Variants in IQSEC1 observed in about 807,000 individuals in gnomAD.
The protein encoded by IQSEC1 is IQ motif and SEC7 domain-containing protein 1.
Under a neutral mutation model 91.0 loss-of-function variants are expected in IQSEC1, and 31 were observed. The observed-to-expected ratio is 0.34, with a 90% CI of 0.26 to 0.46. IQSEC1 has a LOEUF of 0.46. Among genes scored for constraint, IQSEC1 ranks in the 20% least tolerant of loss-of-function variants. The pLI, the probability that IQSEC1 is intolerant of heterozygous loss-of-function variation, is 1.00. For missense variants in IQSEC1, 1,388 were observed against 1,575.6 expected (o/e 0.88, Z 2.02); for synonymous variants, 699 against 662.6 (o/e 1.05, Z -0.84).
intron 1 of IQSEC1, among the ~76,000 whole-genome samples, chr3:12,965,687 C>A (rs574168554): frequency 6.6e-6 from 1 of 152,160 alleles, no homozygotes; most frequent in Non-Finnish European, 1.5e-5. Context: ...ATGAGATGCC[C>A]GGAGGGACTT....
chr3:13,196,746 G>A (rs1412543179), intron 1 of IQSEC1, among the ~76,000 whole-genome samples: 1 of 115,376 alleles, frequency 8.7e-6, no homozygotes, highest in Non-Finnish European at 1.8e-5. Flanking sequence ...GTACATGTGT[G>A]TGCGTGTGTG....
chr3:13,101,764 G>A (rs757449047), intron 2 of IQSEC1, among the ~76,000 whole-genome samples: 74 of 152,186 alleles, frequency 4.9e-4, no homozygotes, highest in Middle Eastern at 3.2e-3. Flanking sequence ...GGAGTGGTGA[G>A]TGGTACAGGC....
intron 2 of IQSEC1, among the ~76,000 whole-genome samples, chr3:13,140,297 C>G (rs1343463911): frequency 6.6e-6 from 1 of 152,226 alleles, no homozygotes; most frequent in Non-Finnish European, 1.5e-5. Flanking sequence ...ATGGCAGATT[C>G]ACGCTGTCAC....
chr3:13,100,007 G>C lies in IQSEC1; in HGVS notation c.303-52485C>G, dbSNP rs974930928. ...GACGGGGACAGTGGGACAGGCCTTGGAAGGACTCGGCCTTCACTCTGGCGC... is the reference window on the plus strand; with the variant it reads ...GACGGGGACAGTGGGACAGGCCTTGCAAGGACTCGGCCTTCACTCTGGCGC... On this transcript the variant is annotated intron_variant, in intron 2 of 15. Transcript: ENST00000648114. Among the ~76,000 whole-genome samples, 94 of 149,728 alleles carry C rather than the reference G, an allele frequency of 6.3e-4. 8 individuals are homozygous for C. Among genetic ancestry groups the C allele is most frequent in the Non-Finnish European group, 3.4e-4 (23 of 67,294 alleles).
intron 1 of IQSEC1, among the ~76,000 whole-genome samples, chr3:13,269,909 G>A (rs1695565032): frequency 6.6e-6 from 1 of 152,214 alleles, no homozygotes; most frequent in African/African-American, 2.4e-5. Flanking sequence ...ATAAGATGTG[G>A]CAGAAGTATG....
Position 13,188,437 on chromosome 3 carries a change from T to C in IQSEC1, c.273-24304A>G, listed in dbSNP as rs562187546. Among the ~76,000 whole-genome samples the C allele has an allele frequency of 1.3e-4, 20 of 152,358 alleles. No homozygotes were observed. In the East Asian group the frequency reaches 2.7e-3, roughly 21 times the overall value. On this transcript the variant is annotated intron_variant, in intron 1 of 15. Coordinates refer to the IQSEC1 transcript ENST00000648114. The stretch of plus-strand genomic sequence containing the variant: ...AACATCAGATATGTGCCAGGCACTG[T>C]TGTATGAACTTTTCACTCATTAACT...
chr3:12,973,754 A>G (rs1043682083), intron 1 of IQSEC1, among the ~76,000 whole-genome samples: 11 of 152,202 alleles, frequency 7.2e-5, no homozygotes, highest in African/African-American at 2.7e-4. Flanking sequence ...AATTAAATAA[A>G]CAAAGTGGCT....
chr3:13,021,805 T>G (rs1703411107), intron 1 of IQSEC1, among the ~76,000 whole-genome samples: 1 of 152,162 alleles, frequency 6.6e-6, no homozygotes, highest in East Asian at 1.9e-4. Flanking sequence ...TGGCGTTCCT[T>G]TCCTGAACGT....
chr3:12,972,787 A>G (rs1472648960), intron 1 of IQSEC1, among the ~76,000 whole-genome samples: 1 of 152,172 alleles, frequency 6.6e-6, no homozygotes, highest in Non-Finnish European at 1.5e-5. Context: ...AGCCTGGACA[A>G]TACAGCATCC....
chr3:13,268,457 G>A (rs1275659074), intron 1 of IQSEC1, among the ~76,000 whole-genome samples: 13 of 152,330 alleles, frequency 8.5e-5, no homozygotes, highest in East Asian at 1.9e-4. Flanking sequence ...GGAGAGAGCA[G>A]TGAAAACTCA....
rs1576280997 is a variant in IQSEC1 at position 13,170,755 on chromosome 3, T to C, written c.273-6622A>G. Among the ~76,000 whole-genome samples, 3 of 152,166 alleles carry C rather than the reference T, an allele frequency of 2.0e-5. No homozygotes were observed. In the South Asian group the frequency reaches 6.2e-4, roughly 32 times the overall value. ...GCCAGCTATTAGGCAATGCAATGGGTGCCAGAGTCAAACAGTATTTAAAGA... is the reference window on the plus strand; with the variant it reads ...GCCAGCTATTAGGCAATGCAATGGGCGCCAGAGTCAAACAGTATTTAAAGA... On this transcript the variant is annotated intron_variant, in intron 1 of 15. Transcript: ENST00000648114.
At chr3:13,143,097 G>C (rs1219352164) in intron 2 of IQSEC1, among the ~76,000 whole-genome samples, 2 of 152,182 alleles carry the variant, frequency 1.3e-5, no homozygotes, top group South Asian at 2.1e-4. Context: ...ATCCGAATTG[G>C]TCTTCGATGT....
intron 1 of IQSEC1, among the ~76,000 whole-genome samples, chr3:12,961,754 G>C (rs1430232519): frequency 6.6e-6 from 1 of 152,304 alleles, no homozygotes; most frequent in African/African-American, 2.4e-5. Context: ...CATGTTTCTG[G>C]TGCTGACTAT....
rs931315816 is a variant in IQSEC1, at chr3:13,214,001, C to T, written c.273-49868G>A. Among the ~76,000 whole-genome samples the T allele has an allele frequency of 6.6e-6, 1 of 152,146 alleles. No homozygotes were observed. The highest frequency in any genetic ancestry group is 2.4e-5 in the African/African-American group (1 of 41,428). On this transcript the variant is annotated intron_variant, in intron 1 of 15. Coordinates refer to the IQSEC1 transcript ENST00000648114. This position sits in a 1 kb window ranked among gnomAD's most constrained non-coding sequence, Gnocchi z 4.5. Reference sequence around the variant, plus strand: ...ACCCCAACCTGGACCCATCGCTCTCCCCCGGGCTCTTCCTGGTCCCTCCCC... The same window carrying T: ...ACCCCAACCTGGACCCATCGCTCTCTCCCGGGCTCTTCCTGGTCCCTCCCC...
intron 1 of IQSEC1, among the ~76,000 whole-genome samples, chr3:13,020,535 C>T (rs1703352001): frequency 6.6e-6 from 1 of 152,202 alleles, no homozygotes; most frequent in Non-Finnish European, 1.5e-5. Context: ...TCCCCTTTCC[C>T]TTTGGCTGCC....
chr3:13,249,986 T>C (rs1695167541), intron 1 of IQSEC1, among the ~76,000 whole-genome samples: 1 of 152,250 alleles, frequency 6.6e-6, no homozygotes, highest in Non-Finnish European at 1.5e-5. Context: ...GTCAGCTCCA[T>C]TGCTGCCTGT....
Position 12,941,744 on chromosome 3 carries a change from C to A in IQSEC1, c.145G>T (p.Val49Leu), listed in dbSNP as rs376777987. 1.6e-5 allele frequency: 26 copies of A among 1,612,250 alleles called. No individual in the cohort carries two copies. The highest frequency in any genetic ancestry group is 2.1e-5 in the Non-Finnish European group (25 of 1,179,984). The part of the protein sequence containing the change: ...LSPDHYEHTS[V>L]GAYGLYSGPP... ...CCCGAGTACAGCCCATAGGCTCCCA[C>A]TGACGTGTGCTCGTAGTGATCCGGG... Residue 49 changes from valine (V) to leucine (L), a missense_variant, in exon 2 of 14, where the codon GTG (valine) becomes TTG (leucine). Coordinates refer to ENST00000613206, the MANE Select transcript of IQSEC1 (RefSeq NM_001134382.3).
chr3:12,959,447 A>G (rs1221267690), intron 1 of IQSEC1, among the ~76,000 whole-genome samples: 2 of 152,312 alleles, frequency 1.3e-5, no homozygotes, highest in Admixed American at 1.3e-4. Context: ...AAGAGAAGCG[A>G]GTTCTCCTAC....
At chr3:13,181,385 GGAATA>G (rs1693842749) in intron 1 of IQSEC1, among the ~76,000 whole-genome samples, 1 of 152,226 alleles carries the variant, frequency 6.6e-6, no homozygotes, top group African/African-American at 2.4e-5. Flanking sequence ...AGTAATTGAT[GGAATA>G]GAGAGAAAAT....
Sources: allele counts gnomAD v4.1 joint callset (sites outside exome capture counted in the v4.1 genomes callset), GRCh38; gene constraint gnomAD v4.1.1; non-coding constraint Gnocchi (gnomAD v3.1); transcripts MANE v1.5; gene names NCBI Gene and HGNC (gene_info 2026-07-23, HGNC 2026-07-21).